Variants in UBR2 observed in about 807,000 individuals in gnomAD.
The protein encoded by UBR2 is ubiquitin protein ligase E3 component n-recognin 2.
UBR2 carries 92 observed loss-of-function variants against 247.9 expected under a neutral mutation model. The ratio of observed to expected loss-of-function variants is 0.37; its 90% CI spans 0.31 to 0.44. The LOEUF (loss-of-function observed/expected upper bound fraction) is 0.44. Ranked by LOEUF, UBR2 falls within the 20% of genes least tolerant of loss-of-function variation. The pLI is 1.00. For missense variants in UBR2, 1,613 were observed against 2,112.6 expected (o/e 0.76, Z 4.64); for synonymous variants, 672 against 693.5 (o/e 0.97, Z 0.49).
chr6:42,589,839 G>A (rs2151915639), intron 2 of UBR2, among the ~76,000 whole-genome samples: 1 of 152,252 alleles, frequency 6.6e-6, no homozygotes, highest in East Asian at 1.9e-4. Flanking sequence ...GATGTTAGCT[G>A]TTACTGGCAT....
chr6:42,648,325 T>G (rs1000470466), intron 22 of UBR2, among the ~76,000 whole-genome samples, 155 bp downstream of exon 22: 46 of 152,236 alleles, frequency 3.0e-4, no homozygotes, highest in African/African-American at 1.1e-3. Context: ...GATTTCTCAC[T>G]GACATTTCAC....
In UBR2 at chr6:42,650,352, A is replaced by G. The variant is rs760745486; in HGVS notation, c.2531A>G (p.Tyr844Cys). 3 of 1,614,040 alleles carry G rather than the reference A, an allele frequency of 1.9e-6. No individual in the cohort carries two copies. The highest frequency in any genetic ancestry group is 2.5e-6 in the Non-Finnish European group (3 of 1,179,928). Residue 844 changes from tyrosine to cysteine, a missense_variant, in exon 23 of 47, where the codon TAT becomes TGT. Physicochemically the swap from Tyr to Cys is radical, Grantham distance 194. Transcript: ENST00000372901. Reference protein sequence around the residue: ...KPECAKEFNLYFYHFSRAEQS... With the variant: ...KPECAKEFNLCFYHFSRAEQS... ...GAATGTGCCAAAGAGTTCAACTTGTATTTCTATCACTTTTCAAGGGCAGAA... is the reference window on the plus strand; with the variant it reads ...GAATGTGCCAAAGAGTTCAACTTGTGTTTCTATCACTTTTCAAGGGCAGAA...
At chr6:42,675,871 C>T (rs552991017) in intron 38 of UBR2, among the ~76,000 whole-genome samples, 185 bp from the exon 39 acceptor site, 1 of 152,176 alleles carries the variant, frequency 6.6e-6, no homozygotes, top group South Asian at 2.1e-4. Flanking sequence ...GCAGGAGAAT[C>T]GCTTGAACCC....
intron 3 of UBR2, 149 bp downstream of exon 3, chr6:42,592,378 T>C: frequency 1.9e-6 from 1 of 527,416 alleles, no homozygotes; most frequent in South Asian, 4.5e-5. Context: ...GGATATAGGG[T>C]GCCAGTGTAG....
At chr6:42,579,414 A>G (rs1236669205) in intron 2 of UBR2, among the ~76,000 whole-genome samples, 2 of 152,186 alleles carry the variant, frequency 1.3e-5, no homozygotes, top group Non-Finnish European at 2.9e-5. Context: ...GGGGATTACA[A>G]TTCAACATGA....
At chr6:42,653,328 C>A (rs1013795988) in intron 25 of UBR2, among the ~76,000 whole-genome samples, 11 of 152,118 alleles carry the variant, frequency 7.2e-5, no homozygotes, top group African/African-American at 2.7e-4. Flanking sequence ...AGCAATCCTC[C>A]CCCCTCGGCC....
chr6:42,682,477 C>G (rs1051494051), intron 42 of UBR2, among the ~76,000 whole-genome samples: 1 of 151,776 alleles, frequency 6.6e-6, no homozygotes, highest in African/African-American at 2.4e-5. Context: ...GTCACCCAGG[C>G]TTGAGTGCAC....
chr6:42,654,417 A>C (rs1797312114), intron 25 of UBR2, among the ~76,000 whole-genome samples: 2 of 152,154 alleles, frequency 1.3e-5, no homozygotes, highest in South Asian at 4.1e-4. Context: ...CATCACACAC[A>C]TATCTCCTTC....
At chr6:42,666,725 A>T (rs1798128818) in intron 34 of UBR2, among the ~76,000 whole-genome samples, 2 of 152,104 alleles carry the variant, frequency 1.3e-5, no homozygotes, top group Admixed American at 1.3e-4. Flanking sequence ...CTGACTTCAA[A>T]ATTTCTATTA....
chr6:42,628,722 CAA>C (rs34316224), intron 11 of UBR2, among the ~76,000 whole-genome samples: 63,136 of 102,544 alleles, frequency 0.62, 16,650 homozygotes, highest in East Asian at 0.78. Context: ...GGCTCTGACT[CAA>C]AAAAAAAAAA....
chr6:42,660,325 T>G (rs1342724194), intron 30 of UBR2, among the ~76,000 whole-genome samples: 2 of 152,136 alleles, frequency 1.3e-5, no homozygotes, highest in African/African-American at 4.8e-5. Flanking sequence ...AGAAAGCAGA[T>G]TCTTGGGATA....
chr6:42,597,663 C>T (rs1318882601), intron 4 of UBR2, among the ~76,000 whole-genome samples: 3 of 151,920 alleles, frequency 2.0e-5, no homozygotes, highest in African/African-American at 7.3e-5. Flanking sequence ...CCTGTAATCC[C>T]AGCACTTTGG....
Position 42,676,043 on chromosome 6 carries a change from G to A in UBR2, c.4252-13G>A, listed in dbSNP as rs1443496166. On this transcript the variant is annotated splice_polypyrimidine_tract_variant and intron_variant, in intron 38 of 46. Coordinates refer to ENST00000372901, the MANE Select transcript of UBR2 (RefSeq NM_001363705.2). ...AAAGGCGATCTGTCTGATGTCCTGT[G>A]TTTGGTGCCTAGGTGGGCTTGGTGC... 3.1e-6 allele frequency: 5 copies of A among 1,604,394 alleles called. No individual in the cohort carries two copies. Among genetic ancestry groups the A allele is most frequent in the Non-Finnish European group, 4.2e-6 (5 of 1,176,924 alleles).
chr6:42,615,861 C>T, intron 9 of UBR2, 141 bp from the exon 10 acceptor site: 1 of 542,328 alleles, frequency 1.8e-6, no homozygotes, highest in Non-Finnish European at 3.1e-6. Context: ...GAGTTAAGAC[C>T]AGCCTGGGCA....
intron 11 of UBR2, among the ~76,000 whole-genome samples, chr6:42,630,880 C>T (rs1375751132): frequency 6.6e-6 from 1 of 151,984 alleles, no homozygotes; most frequent in East Asian, 1.9e-4. Flanking sequence ...GATCATGGCT[C>T]ACTGCAGCCT....
chr6:42,588,700 A>G (rs1039322617), intron 2 of UBR2, among the ~76,000 whole-genome samples: 9 of 152,146 alleles, frequency 5.9e-5, no homozygotes, highest in African/African-American at 1.9e-4. Context: ...AGTTTTTATA[A>G]TAAAGAGCTT....
At chr6:42,690,900 A>G in intron 46 of UBR2, 132 bp from the exon 47 acceptor site, 1 of 1,149,854 alleles carries the variant, frequency 8.7e-7, no homozygotes, top group Non-Finnish European at 1.2e-6. Flanking sequence ...AGCCACAGTC[A>G]CCTGCCAGAC....
Position 42,564,283 on chromosome 6 carries a change from CG to C in UBR2, c.-34del. On this transcript the variant is annotated 5_prime_UTR_variant, in exon 1 of 47. Coordinates refer to ENST00000372901, the MANE Select transcript of UBR2 (RefSeq NM_001363705.2). The stretch of plus-strand genomic sequence containing the variant: ...GGGCCGAGGTGAGGCTGCAGCTCTC[CG>C]GGCGGCGGTAGCGCTGGGGAGGAGG... The C allele has an allele frequency of 6.3e-7, 1 of 1,591,228 alleles. No individual in the cohort carries two copies. The highest frequency in any genetic ancestry group is 8.5e-7 in the Non-Finnish European group (1 of 1,170,308).
At chr6:42,660,365 C>G (rs916969357) in intron 30 of UBR2, among the ~76,000 whole-genome samples, 1 of 152,078 alleles carries the variant, frequency 6.6e-6, no homozygotes, top group Admixed American at 6.6e-5. Flanking sequence ...GTTGAGGGCC[C>G]TCTTTCAGCA....
Sources: gnomAD v4.1 joint callset for allele counts (sites outside exome capture counted in the v4.1 genomes callset) on GRCh38, gnomAD v4.1.1 for gene constraint, MANE v1.5 for transcripts, NCBI Gene and HGNC (gene_info 2026-07-23, HGNC 2026-07-21) for gene names.